INSL6: variants seen among roughly 807,000 people sequenced by gnomAD.
INSL6 encodes the protein insulin like 6, also known as insulin-like peptide INSL6.
Under a neutral mutation model 9.4 loss-of-function variants are expected in INSL6, and 16 were observed. The ratio of observed to expected loss-of-function variants is 1.70; its 90% CI spans 1.15 to 2.59. INSL6 has a LOEUF of 2.59. Ranked by LOEUF, INSL6 falls within the 30% of genes most tolerant of loss-of-function variation. The pLI, the probability that INSL6 is intolerant of heterozygous loss-of-function variation, is 0.00. For synonymous variants in INSL6, 154 were observed against 96.9 expected, an observed-to-expected ratio of 1.59 and a Z score of -3.46; for missense variants, 391 against 257.3, an observed-to-expected ratio of 1.52 and a Z score of -3.56.
chr9:5,017,822 AC>A, the INSL6 span, among the ~76,000 whole-genome samples: 1 of 152,340 alleles, frequency 6.6e-6, no homozygotes, highest in South Asian at 2.1e-4. Flanking sequence ...TTGTTTTGAT[AC>A]ATTAGAAGTT....
chr9:5,133,241 A>G (rs940953226), intron 3 of INSL6, among the ~76,000 whole-genome samples: 1 of 152,016 alleles, frequency 6.6e-6, no homozygotes, highest in African/African-American at 2.4e-5. Flanking sequence ...AATGCAAAAA[A>G]AAAGTTGAGA....
chr9:5,114,323 T>C, the INSL6 span: 3 of 540,994 alleles, frequency 5.5e-6, no homozygotes, highest in African/African-American at 1.9e-5. Flanking sequence ...GTGGGAAGTC[T>C]GTGGCTCAGG....
At chr9:5,091,219 G>A in the INSL6 span, 2 of 194,178 alleles carry the variant, frequency 1.0e-5, no homozygotes, top group African/African-American at 4.7e-5. Flanking sequence ...TTGTGGTATT[G>A]TGTTGAATTT....
chr9:5,119,329 G>A (rs973026181), downstream of INSL6, among the ~76,000 whole-genome samples: 5 of 151,898 alleles, frequency 3.3e-5, no homozygotes, highest in African/African-American at 1.2e-4. Flanking sequence ...AGCTAATGAA[G>A]CATATCCAGA....
rs1231495874 is a variant in INSL6, at chr9:5,164,232, C to G, written c.323G>C (p.Trp108Ser). ...STSWEEAVNS[W>S]EMQSLPEYKD... is the part of the protein sequence containing the mutation. Reference sequence around the variant, plus strand: ...ATACTCAGGTAGTGACTGCATTTCCCAACTGTTTACTGCTTCTTCCCAAGA... The same window carrying G: ...ATACTCAGGTAGTGACTGCATTTCCGAACTGTTTACTGCTTCTTCCCAAGA... The change falls in exon 2 of 2, where the codon TGG becomes TCG. Residue 108 changes from tryptophan (W) to serine (S), a missense_variant. Physicochemically the swap from Trp to Ser is radical, Grantham distance 177. Transcript: ENST00000381641. 2 of 1,606,414 alleles carry G rather than the reference C, an allele frequency of 1.2e-6. No homozygotes were observed. Among genetic ancestry groups the G allele is most frequent in the Admixed American group, 1.7e-5 (1 of 58,912 alleles).
the INSL6 span, chr9:5,090,472 G>T: frequency 6.4e-7 from 1 of 1,565,542 alleles, no homozygotes; most frequent in Non-Finnish European, 8.6e-7. Context: ...ATTAATTATG[G>T]AATATTTACC....
At chr9:5,093,529 C>T in the INSL6 span, among the ~76,000 whole-genome samples, 1 of 152,134 alleles carries the variant, frequency 6.6e-6, no homozygotes, top group African/African-American at 2.4e-5. Context: ...GATGAGAAGA[C>T]CCCATGGCAC....
intron 1 of INSL6, among the ~76,000 whole-genome samples, chr9:5,165,092 T>C (rs1006163982): frequency 1.3e-5 from 2 of 152,150 alleles, no homozygotes; most frequent in South Asian, 2.1e-4. Context: ...ACGCCTGTAA[T>C]ACCAGCTACT....
At chr9:5,099,083 C>G in the INSL6 span, 1 of 152,150 alleles carries the variant, frequency 6.6e-6, no homozygotes, top group Non-Finnish European at 1.5e-5. Flanking sequence ...ACAATTCTCC[C>G]AACAGAAATA....
At chr9:5,066,009 C>A in the INSL6 span, among the ~76,000 whole-genome samples, 1 of 152,048 alleles carries the variant, frequency 6.6e-6, no homozygotes, top group African/African-American at 2.4e-5. Context: ...TGCCTTTATT[C>A]ATGTATCCAT....
the INSL6 span, among the ~76,000 whole-genome samples, chr9:5,090,207 G>GA: frequency 2.0e-5 from 3 of 152,022 alleles, no homozygotes; most frequent in Non-Finnish European, 4.4e-5. Flanking sequence ...AGTTTATTTT[G>GA]GTTTGCCTGA....
the INSL6 span, among the ~76,000 whole-genome samples, chr9:5,001,961 G>A: frequency 1.3e-5 from 2 of 151,950 alleles, no homozygotes; most frequent in Non-Finnish European, 2.9e-5. Flanking sequence ...TCATTGGCAT[G>A]AAGTTGCTCC....
At chr9:5,146,711 G>T (rs890041548) in intron 2 of INSL6, among the ~76,000 whole-genome samples, 2 of 152,246 alleles carry the variant, frequency 1.3e-5, no homozygotes, top group Non-Finnish European at 2.9e-5. Flanking sequence ...GGTGGGGCAA[G>T]TAAAGCAAAA....
the INSL6 span, among the ~76,000 whole-genome samples, chr9:5,045,375 G>C: frequency 6.6e-6 from 1 of 152,074 alleles, no homozygotes. Context: ...TCTCTATTGG[G>C]GTATGAGACC....
At chr9:5,093,382 C>G in the INSL6 span, among the ~76,000 whole-genome samples, 3 of 152,162 alleles carry the variant, frequency 2.0e-5, no homozygotes, top group Non-Finnish European at 2.9e-5. Context: ...GCAAAGGTAA[C>G]ATAATCACTT....
the INSL6 span, among the ~76,000 whole-genome samples, chr9:5,017,212 T>C: frequency 6.6e-6 from 1 of 152,164 alleles, no homozygotes; most frequent in African/African-American, 2.4e-5. Flanking sequence ...CAACATATTT[T>C]TTTCAAAGAC....
chr9:5,131,130 C>G (rs939774942), intron 3 of INSL6, among the ~76,000 whole-genome samples: 2 of 152,062 alleles, frequency 1.3e-5, no homozygotes, highest in Admixed American at 6.6e-5. Flanking sequence ...GATACTAAAG[C>G]AAATGGAAAG....
At chr9:5,086,219 A>ACGGT in the INSL6 span, 1 of 603,646 alleles carries the variant, frequency 1.7e-6, no homozygotes, top group Non-Finnish European at 2.1e-6. Flanking sequence ...GCGCGAGGCC[A>ACGGT]CGGTCGGAGT....
At chr9:5,066,732 T>C in the INSL6 span, 1 of 1,608,202 alleles carries the variant, frequency 6.2e-7, no homozygotes, top group South Asian at 1.1e-5. Context: ...CTGGACTGTA[T>C]GTACTTCGAT....
Sources: gnomAD v4.1 joint callset for allele counts (sites outside exome capture counted in the v4.1 genomes callset) on GRCh38, gnomAD v4.1.1 for gene constraint, MANE v1.5 for transcripts, NCBI Gene and HGNC (gene_info 2026-07-23, HGNC 2026-07-21) for gene names.